Variants in EYS observed in about 807,000 individuals in gnomAD.
EYS encodes EGF-like photoreceptor maintenance factor, also known as protein eyes shut homolog.
In EYS, 250 loss-of-function variants were observed where a neutral mutation model predicts 282.1. That is an observed-to-expected ratio of 0.89 (90% confidence interval 0.80 to 0.98). The LOEUF is 0.98. EYS is among the 50% of genes least tolerant of loss of function. The pLI, the probability that EYS is intolerant of heterozygous loss-of-function variation, is 0.00. For missense variants in EYS, 4,016 were observed against 3,709.0 expected (o/e 1.08, Z -2.15); for synonymous variants, 1,355 against 1,282.9 (o/e 1.06, Z -1.20).
intron 22 of EYS, among the ~76,000 whole-genome samples, chr6:64,679,399 T>C (rs1433808234): frequency 6.6e-6 from 1 of 152,220 alleles, no homozygotes; most frequent in African/African-American, 2.4e-5. Flanking sequence ...TTATTACACC[T>C]TTATGTAGCT....
chr6:65,334,834 A>G lies in EYS; in HGVS notation c.1766+146T>C, dbSNP rs557439011. On this transcript the variant is annotated intron_variant, in intron 11 of 42. Coordinates refer to ENST00000503581, the MANE Select transcript of EYS (RefSeq NM_001142800.2). ...TTATGTAACATAATATATAATAACT[A>G]TATATGTATATGTAAGTGTTTGTTA... 320 of 659,018 alleles carry G rather than the reference A, an allele frequency of 4.9e-4. 1 individual carries two copies. Among genetic ancestry groups the G allele is most frequent in the Middle Eastern group, 1.3e-3 (3 of 2,396 alleles). 40.8% of individuals were successfully genotyped at this position (659,018 alleles called of 1,614,324 possible).
At chr6:65,573,670 A>G (rs1156339799) in intron 2 of EYS, among the ~76,000 whole-genome samples, 1 of 152,118 alleles carries the variant, frequency 6.6e-6, no homozygotes, top group Non-Finnish European at 1.5e-5. Flanking sequence ...CCTTTCAGAT[A>G]CTGGAACCAC....
chr6:64,799,347 C>T, intron 22 of EYS, among the ~76,000 whole-genome samples: 1 of 151,844 alleles, frequency 6.6e-6, no homozygotes, highest in Admixed American at 6.6e-5. Flanking sequence ...CCTGTTGAAG[C>T]CTTACACAAT....
In EYS at chr6:64,504,435, T is replaced by C. The variant is rs138829068; in HGVS notation, c.5645-65083A>G. On this transcript the variant is annotated intron_variant, in intron 26 of 42. Transcript: ENST00000503581. Reference sequence around the variant, plus strand: ...AATTTAGCATGAAGAAAAAATACTTTTGTTGAAGAGTCACTGCTCATTCTT... The same window carrying C: ...AATTTAGCATGAAGAAAAAATACTTCTGTTGAAGAGTCACTGCTCATTCTT... Among the ~76,000 whole-genome samples the C allele has an allele frequency of 5.0e-4, 76 of 152,282 alleles. 1 individual carries two copies. Among genetic ancestry groups the C allele is most frequent in the African/African-American group, 1.7e-3 (72 of 41,554 alleles).
At chr6:63,883,943 C>T (rs965876550) in intron 35 of EYS, among the ~76,000 whole-genome samples, 3 of 152,152 alleles carry the variant, frequency 2.0e-5, no homozygotes, top group Non-Finnish European at 4.4e-5. Flanking sequence ...TACTTCATTA[C>T]GTAACTCTTA....
intron 22 of EYS, among the ~76,000 whole-genome samples, chr6:64,789,185 A>T (rs1051465531): frequency 6.6e-6 from 1 of 152,250 alleles, no homozygotes; most frequent in Admixed American, 6.5e-5. Flanking sequence ...TTTCTAAAAT[A>T]CAAAGATGAC....
chr6:64,801,994 T>C (rs1036868410), intron 22 of EYS, among the ~76,000 whole-genome samples: 16 of 151,248 alleles, frequency 1.1e-4, no homozygotes, highest in Non-Finnish European at 2.2e-4. Flanking sequence ...ACTAATTTGT[T>C]ATAAGAGAGT....
chr6:64,871,333 A>G (rs1766589860), intron 19 of EYS, among the ~76,000 whole-genome samples: 1 of 151,770 alleles, frequency 6.6e-6, no homozygotes, highest in Admixed American at 6.6e-5. Flanking sequence ...TCAAAAAAAA[A>G]AAAAAATCTT....
At chr6:63,996,996 G>A (rs1317105431) in intron 34 of EYS, among the ~76,000 whole-genome samples, 1 of 152,082 alleles carries the variant, frequency 6.6e-6, no homozygotes, top group Non-Finnish European at 1.5e-5. Context: ...TTTATGTACT[G>A]AAAAATACTA....
In EYS at chr6:65,594,797, G is replaced by T. The variant is rs1259499121; in HGVS notation, c.-333+44981C>A. Among the ~76,000 whole-genome samples the T allele has an allele frequency of 2.0e-5, 3 of 152,048 alleles. No individual in the cohort carries two copies. The East Asian group carries it at 5.8e-4, about 29-fold the overall frequency. On this transcript the variant is annotated intron_variant, in intron 2 of 42. Transcript: ENST00000503581. ...TCTTCTAGGGTTTTTATGGTTTTAGGTCTAACATTTAAGTCTTTAATCCAT... is the reference window on the plus strand; with the variant it reads ...TCTTCTAGGGTTTTTATGGTTTTAGTTCTAACATTTAAGTCTTTAATCCAT...
At chr6:65,585,750 A>T (rs992919378) in intron 2 of EYS, among the ~76,000 whole-genome samples, 9 of 151,946 alleles carry the variant, frequency 5.9e-5, no homozygotes, top group Non-Finnish European at 1.3e-4. Context: ...AGTTTTACCT[A>T]GAAAAGATTA....
intron 26 of EYS, among the ~76,000 whole-genome samples, chr6:64,570,108 T>C (rs1449311327): frequency 6.6e-6 from 1 of 152,188 alleles, no homozygotes; most frequent in East Asian, 1.9e-4. Context: ...GAAGAAACCC[T>C]ACAAGCCAGA....
At chr6:64,465,075 A>T (rs906540998) in intron 26 of EYS, among the ~76,000 whole-genome samples, 1 of 152,154 alleles carries the variant, frequency 6.6e-6, no homozygotes, top group Non-Finnish European at 1.5e-5. Context: ...AGACCTGTAC[A>T]TTGAAAACAA....
chr6:64,813,356 T>C lies in EYS; in HGVS notation c.3443+22A>G, dbSNP rs745306938. 4 of 1,509,736 alleles carry C rather than the reference T, an allele frequency of 2.6e-6. No individual in the cohort carries two copies. The Admixed American group carries it at 6.3e-5, about 24-fold the overall frequency. The allele number at this position is 1,509,736 out of a possible 1,614,324, so 93.5% of individuals were successfully genotyped here. ...CTCTCCTAAATATATATTTACTTAC[T>C]TGTGGGTAAATAAATACTGACCTGC... On this transcript the variant is annotated intron_variant, in intron 22 of 42. Coordinates refer to ENST00000503581, the MANE Select transcript of EYS (RefSeq NM_001142800.2).
intron 1 of EYS, among the ~76,000 whole-genome samples, chr6:65,643,937 CA>C (rs1767371301): frequency 6.6e-6 from 1 of 152,090 alleles, no homozygotes; most frequent in African/African-American, 2.4e-5. Flanking sequence ...TCTTGAGTCC[CA>C]GATCTTCCCT....
chr6:64,994,036 G>A (rs1241665519), intron 14 of EYS, among the ~76,000 whole-genome samples: 1 of 151,354 alleles, frequency 6.6e-6, no homozygotes, highest in Non-Finnish European at 1.5e-5. Flanking sequence ...AGAGGAAAAC[G>A]AAACTAAAAT....
rs569108450 is a variant in EYS at position 64,496,898 on chromosome 6, T to A, written c.5645-57546A>T. The stretch of plus-strand genomic sequence containing the variant: ...TTTACAAATTATAAAGTTGTCCACA[T>A]AATTTAGTTGTCTCCTGTTTGTTGT... On this transcript the variant is annotated intron_variant, in intron 26 of 42. Transcript: ENST00000503581. Among the ~76,000 whole-genome samples the A allele has an allele frequency of 1.8e-4, 28 of 152,224 alleles. No individual in the cohort carries two copies. The South Asian group carries it at 5.8e-3, about 32-fold the overall frequency.
chr6:64,184,833 CAGTA>C (rs1351072266), intron 31 of EYS, among the ~76,000 whole-genome samples: 3 of 152,088 alleles, frequency 2.0e-5, no homozygotes, highest in Non-Finnish European at 4.4e-5. Flanking sequence ...TTATGTCCAT[CAGTA>C]AGTCTTTATT....
intron 2 of EYS, among the ~76,000 whole-genome samples, chr6:65,625,907 T>C (rs77154582): frequency 1.6e-3 from 242 of 152,338 alleles, no homozygotes; most frequent in African/African-American, 5.6e-3. Context: ...CAATAATCAT[T>C]TGCAAATGTA....
Sources: gnomAD v4.1 joint callset for allele counts (sites outside exome capture counted in the v4.1 genomes callset) on GRCh38, gnomAD v4.1.1 for gene constraint, MANE v1.5 for transcripts, NCBI Gene and HGNC (gene_info 2026-07-23, HGNC 2026-07-21) for gene names.